MSRA: variants seen among roughly 807,000 people sequenced by gnomAD.
The protein encoded by MSRA is mitochondrial peptide methionine sulfoxide reductase.
A neutral mutation model predicts 31.3 loss-of-function variants in MSRA; 54 were observed. The ratio of observed to expected loss-of-function variants is 1.73; its 90% CI spans 1.39 to 2.17. The LOEUF is 2.17. Among genes scored for constraint, MSRA ranks in the 30% most tolerant of loss-of-function variants. The pLI, the probability that MSRA is intolerant of heterozygous loss-of-function variation, is 0.00. For missense variants in MSRA, 507 were observed against 300.9 expected (o/e 1.69, Z -5.07); for synonymous variants, 169 against 116.5 (o/e 1.45, Z -2.90).
intron 5 of MSRA, among the ~76,000 whole-genome samples, chr8:10,371,124 A>G (rs185708167): frequency 3.9e-5 from 6 of 152,218 alleles, no homozygotes; most frequent in Admixed American, 3.3e-4. Context: ...TCTCAGTGTC[A>G]TGATAGATGA....
At chr8:10,075,847 C>T (rs1056291955) in intron 1 of MSRA, among the ~76,000 whole-genome samples, 9 of 152,220 alleles carry the variant, frequency 5.9e-5, no homozygotes, top group African/African-American at 1.9e-4. Context: ...TACCACTTTC[C>T]TCTCTTTTCC....
intron 5 of MSRA, among the ~76,000 whole-genome samples, chr8:10,356,941 A>G (rs1325178773): frequency 6.6e-6 from 1 of 150,940 alleles, no homozygotes; most frequent in Non-Finnish European, 1.5e-5. Flanking sequence ...CCTTTAAAAC[A>G]CGCAGCTTGC....
At chr8:10,368,265 G>C (rs1051852711) in intron 5 of MSRA, among the ~76,000 whole-genome samples, 10 of 152,228 alleles carry the variant, frequency 6.6e-5, no homozygotes, top group Non-Finnish European at 2.9e-5. Flanking sequence ...TACAGAGTGA[G>C]TCATTTTAAG....
At chr8:10,242,163 A>C (rs968384612) in intron 2 of MSRA, among the ~76,000 whole-genome samples, 2 of 151,924 alleles carry the variant, frequency 1.3e-5, no homozygotes, top group Admixed American at 1.3e-4. Flanking sequence ...CTCAGCTACT[A>C]GGGAGGGTGC....
intron 1 of MSRA, among the ~76,000 whole-genome samples, chr8:10,087,002 G>A (rs532422719): frequency 6.6e-6 from 1 of 152,250 alleles, no homozygotes; most frequent in South Asian, 2.1e-4. Flanking sequence ...GGAGCTTTGT[G>A]TAAAGGAAGT....
At chr8:10,396,376 C>A (rs1016614083) in intron 5 of MSRA, among the ~76,000 whole-genome samples, 1 of 152,138 alleles carries the variant, frequency 6.6e-6, no homozygotes, top group African/African-American at 2.4e-5. Flanking sequence ...CATTTTCCTC[C>A]ATTTGGGGGG....
intron 5 of MSRA, among the ~76,000 whole-genome samples, chr8:10,349,416 C>G (rs1238873769): frequency 6.6e-6 from 1 of 151,016 alleles, no homozygotes; most frequent in Non-Finnish European, 1.5e-5. Context: ...AATATCTTTT[C>G]CTTTTTTGTT....
chr8:10,092,354 A>G (rs1798899026), intron 1 of MSRA, among the ~76,000 whole-genome samples: 1 of 152,098 alleles, frequency 6.6e-6, no homozygotes, highest in Non-Finnish European at 1.5e-5. Flanking sequence ...GATGTTCCAT[A>G]TATCCTTAAG....
intron 5 of MSRA, among the ~76,000 whole-genome samples, chr8:10,336,197 A>G (rs1165272286): frequency 1.3e-5 from 2 of 152,236 alleles, no homozygotes; most frequent in East Asian, 3.9e-4. Context: ...TTCTGCTGGC[A>G]GAAACACATT....
chr8:10,286,584 C>G (rs1306101143), intron 3 of MSRA, among the ~76,000 whole-genome samples: 4 of 152,232 alleles, frequency 2.6e-5, no homozygotes, highest in African/African-American at 9.6e-5. Flanking sequence ...TGAAAACAGA[C>G]TAATACAAAC....
At chr8:10,342,237 C>T (rs565628174) in intron 5 of MSRA, among the ~76,000 whole-genome samples, 8 of 152,194 alleles carry the variant, frequency 5.3e-5, no homozygotes, top group Admixed American at 4.6e-4. Context: ...TTTTTGACCT[C>T]GGGACCTCTT....
At chr8:10,204,161 A>C (rs1808741398) in intron 1 of MSRA, among the ~76,000 whole-genome samples, 1 of 152,190 alleles carries the variant, frequency 6.6e-6, no homozygotes, top group Non-Finnish European at 1.5e-5. Context: ...AAGTTATGTT[A>C]TTACAACAGT....
intron 1 of MSRA, among the ~76,000 whole-genome samples, chr8:10,180,759 G>T (rs1051036010): frequency 3.3e-5 from 5 of 152,178 alleles, no homozygotes; most frequent in African/African-American, 1.2e-4. Flanking sequence ...ATCAGACACT[G>T]TTGGAAATTG....
rs368025548 is a variant in MSRA, at chr8:10,390,140, G to T, written c.544-38008G>T. On this transcript the variant is annotated intron_variant, in intron 5 of 5. Coordinates refer to ENST00000317173, the MANE Select transcript of MSRA (RefSeq NM_012331.5). ...GACATCCCCTCTCTGTATTCCTGGT[G>T]ATCCAGGCTGTGCCAGTCTCTGTAC... 1.3e-4 allele frequency among the ~76,000 whole-genome samples: 20 copies of T among 152,346 alleles called. No individual in the cohort carries two copies. In the South Asian group the frequency reaches 4.1e-3, roughly 32 times the overall value.
intron 4 of MSRA, among the ~76,000 whole-genome samples, chr8:10,313,167 C>T (rs533346623): frequency 2.6e-5 from 4 of 152,324 alleles, no homozygotes; most frequent in South Asian, 2.1e-4. Context: ...ACATATGCTG[C>T]TTCCAGACCT....
chr8:10,411,470 T>G (rs1009266819), intron 5 of MSRA: 4 of 150,758 alleles, frequency 2.7e-5, no homozygotes, highest in Non-Finnish European at 2.9e-5. Context: ...TTTTTTAGTC[T>G]TATTTTTAGT....
At chr8:10,059,526 T>C (rs1802586953) in intron 1 of MSRA, among the ~76,000 whole-genome samples, 1 of 152,198 alleles carries the variant, frequency 6.6e-6, no homozygotes, top group Non-Finnish European at 1.5e-5. Flanking sequence ...TGAAACAGTA[T>C]GAGAACAGAA....
At chr8:10,309,834 G>C (rs2129131101) in intron 4 of MSRA, among the ~76,000 whole-genome samples, 1 of 152,306 alleles carries the variant, frequency 6.6e-6, no homozygotes, top group East Asian at 1.9e-4. Context: ...CTCCAGGCGA[G>C]TTTTTTCCAG....
At chr8:10,258,098 G>A (rs1484546286) in intron 3 of MSRA, among the ~76,000 whole-genome samples, 1 of 152,114 alleles carries the variant, frequency 6.6e-6, no homozygotes, top group Non-Finnish European at 1.5e-5. Context: ...ATAGGGAGGG[G>A]GTAGGCTAGT....
Sources: allele counts gnomAD v4.1 joint callset (sites outside exome capture counted in the v4.1 genomes callset), GRCh38; gene constraint gnomAD v4.1.1; transcripts MANE v1.5; gene names NCBI Gene and HGNC (gene_info 2026-07-23, HGNC 2026-07-21).